The following SPATA17 variants were observed in gnomAD, a reference collection of about 807,000 sequenced individuals.
SPATA17 encodes the protein spermatogenesis associated 17.
Under a neutral mutation model 62.2 loss-of-function variants are expected in SPATA17, and 53 were observed. The ratio of observed to expected loss-of-function variants is 0.85; its 90% CI spans 0.68 to 1.07. The LOEUF is 1.07. Ranked by LOEUF, SPATA17 falls within the 50% of genes least tolerant of loss-of-function variation. SPATA17 has a pLI of 0.00. For missense variants in SPATA17, 466 were observed against 425.5 expected (o/e 1.10, Z -0.84); for synonymous variants, 146 against 146.8 (o/e 0.99, Z 0.04).
intron 6 of SPATA17, among the ~76,000 whole-genome samples, chr1:217,765,949 T>C (rs973677772): frequency 2.0e-5 from 3 of 152,086 alleles, no homozygotes; most frequent in African/African-American, 7.2e-5. Context: ...CTTTTAAGTC[T>C]GCTGTACCTG....
intron 1 of SPATA17, among the ~76,000 whole-genome samples, chr1:217,637,400 C>G (rs940819546): frequency 6.6e-6 from 1 of 152,042 alleles, no homozygotes; most frequent in African/African-American, 2.4e-5. Flanking sequence ...TTAAGTTCAT[C>G]AAATACATAA....
intron 8 of SPATA17, among the ~76,000 whole-genome samples, chr1:217,799,002 G>A (rs1674226539): frequency 6.6e-6 from 1 of 151,124 alleles, no homozygotes; most frequent in African/African-American, 2.4e-5. Context: ...TCGTTTTAAA[G>A]TAATTGATAA....
At chr1:217,693,229 T>C (rs1442841424) in intron 5 of SPATA17, among the ~76,000 whole-genome samples, 1 of 149,164 alleles carries the variant, frequency 6.7e-6, no homozygotes, top group Non-Finnish European at 1.5e-5. Context: ...GGAGAGTGTA[T>C]GTGTCGAGGA....
chr1:217,665,666 T>C (rs565736521), intron 3 of SPATA17, among the ~76,000 whole-genome samples: 2 of 152,240 alleles, frequency 1.3e-5, no homozygotes, highest in South Asian at 2.1e-4. Flanking sequence ...ATGTATACAG[T>C]TGGGTCAGTC....
At chr1:217,798,827 G>A (rs894592395) in intron 8 of SPATA17, among the ~76,000 whole-genome samples, 1 of 151,148 alleles carries the variant, frequency 6.6e-6, no homozygotes. Flanking sequence ...GACCTGTACT[G>A]ATAGGAGACA....
chr1:217,654,483 A>T (rs1299873750), intron 3 of SPATA17, among the ~76,000 whole-genome samples: 1 of 152,170 alleles, frequency 6.6e-6, no homozygotes, highest in Non-Finnish European at 1.5e-5. Context: ...CTTTAAAAAA[A>T]GTTTTAAATT....
intron 5 of SPATA17, among the ~76,000 whole-genome samples, chr1:217,721,925 C>A (rs911352056): frequency 1.4e-4 from 21 of 152,296 alleles, no homozygotes; most frequent in Middle Eastern, 3.4e-3. Flanking sequence ...TAAGACGTGG[C>A]CTGGAGTTGA....
intron 8 of SPATA17, among the ~76,000 whole-genome samples, chr1:217,789,005 C>T (rs1673928523): frequency 6.6e-6 from 1 of 152,056 alleles, no homozygotes; most frequent in African/African-American, 2.4e-5. Context: ...CAAGAGTCTT[C>T]CACAAGTTTA....
intron 5 of SPATA17, among the ~76,000 whole-genome samples, chr1:217,691,208 A>T (rs61827789): frequency 6.8e-6 from 1 of 147,680 alleles, no homozygotes; most frequent in East Asian, 2.0e-4. Context: ...GATATCTCAT[A>T]GTGGTTTTGA....
chr1:217,710,602 T>C (rs2102926168), intron 5 of SPATA17, among the ~76,000 whole-genome samples: 1 of 152,284 alleles, frequency 6.6e-6, no homozygotes, highest in South Asian at 2.1e-4. Flanking sequence ...ATGGATATTA[T>C]TTTCTACCTT....
At chr1:217,657,073 T>G (rs1670461705) in intron 3 of SPATA17, among the ~76,000 whole-genome samples, 1 of 152,138 alleles carries the variant, frequency 6.6e-6, no homozygotes, top group South Asian at 2.1e-4. Flanking sequence ...TCTAAGATGA[T>G]GTGTTTGAAC....
intron 6 of SPATA17, among the ~76,000 whole-genome samples, chr1:217,742,678 A>G (rs1014536736): frequency 2.0e-5 from 3 of 152,198 alleles, no homozygotes; most frequent in African/African-American, 7.2e-5. Flanking sequence ...TTACTAGGAA[A>G]GAATACATGT....
At chr1:217,771,196 A>T (rs956019576) in intron 6 of SPATA17, among the ~76,000 whole-genome samples, 1 of 151,178 alleles carries the variant, frequency 6.6e-6, no homozygotes, top group African/African-American at 2.4e-5. Context: ...GCATGACAGT[A>T]CTGCAAATAA....
chr1:217,755,889 C>A (rs1673029688), intron 6 of SPATA17, among the ~76,000 whole-genome samples: 1 of 151,924 alleles, frequency 6.6e-6, no homozygotes, highest in Non-Finnish European at 1.5e-5. Context: ...CCAAAATCAA[C>A]CTCGTTTGCT....
chr1:217,696,995 G>GT lies in SPATA17; in HGVS notation c.395+13641dup, dbSNP rs993489825. On this transcript the variant is annotated intron_variant, in intron 5 of 10. Transcript: ENST00000366933. ...ATTTACTTGCAGGTGACTCCTCTTT[G>GT]TTTTTTTGTTGTTGTTTTTGTATTC... 7.2e-5 allele frequency among the ~76,000 whole-genome samples: 11 copies of GT among 152,134 alleles called. No homozygotes were observed. In the South Asian group the frequency reaches 1.5e-3, roughly 20 times the overall value.
At chr1:217,756,563 T>A (rs1017926415) in intron 6 of SPATA17, among the ~76,000 whole-genome samples, 3 of 152,126 alleles carry the variant, frequency 2.0e-5, no homozygotes, top group Non-Finnish European at 2.9e-5. Flanking sequence ...GAAATTGTAT[T>A]TTAAGAGTTC....
chr1:217,659,424 A>G (rs1009603881), intron 3 of SPATA17, among the ~76,000 whole-genome samples: 1 of 152,180 alleles, frequency 6.6e-6, no homozygotes, highest in African/African-American at 2.4e-5. Context: ...TAAGGAGTTC[A>G]GTGTGACTTT....
rs1242261451 is a variant in SPATA17, at chr1:217,694,601, AT to A, written c.395+11244del. Among the ~76,000 whole-genome samples the A allele has an allele frequency of 2.0e-5, 3 of 147,224 alleles. No individual in the cohort carries two copies. The Admixed American group carries it at 2.0e-4, about 10-fold the overall frequency. The stretch of plus-strand genomic sequence containing the variant: ...TCTTCCTAGTCTTGATGGTCTTTAC[AT>A]TTTGGCATGATTTTGCAGCGGCTGG... On this transcript the variant is annotated intron_variant, in intron 5 of 10. Coordinates refer to ENST00000366933, the MANE Select transcript of SPATA17 (RefSeq NM_138796.4).
At chr1:217,661,655 T>C (rs1025886718) in intron 3 of SPATA17, among the ~76,000 whole-genome samples, 3 of 152,186 alleles carry the variant, frequency 2.0e-5, no homozygotes, top group Non-Finnish European at 4.4e-5. Flanking sequence ...CATACTGCTA[T>C]ATCTAGCAAC....
Sources: allele counts gnomAD v4.1 joint callset (sites outside exome capture counted in the v4.1 genomes callset), GRCh38; gene constraint gnomAD v4.1.1; transcripts MANE v1.5; gene names NCBI Gene and HGNC (gene_info 2026-07-23, HGNC 2026-07-21).